LRP1B: variants seen among roughly 807,000 people sequenced by gnomAD.
LRP1B encodes the protein LDL receptor related protein 1B.
A neutral mutation model predicts 556.6 loss-of-function variants in LRP1B; 217 were observed. The observed-to-expected ratio is 0.39, with a 90% CI of 0.35 to 0.44. The LOEUF is 0.44. Among genes scored for constraint, LRP1B ranks in the 20% least tolerant of loss-of-function variants. The pLI is 1.00. For missense variants in LRP1B, 5,053 were observed against 5,620.8 expected (o/e 0.90, Z 3.23); for synonymous variants, 2,047 against 1,865.8 (o/e 1.10, Z -2.50).
At chr2:140,844,219 G>T (rs1207234704) in intron 29 of LRP1B, among the ~76,000 whole-genome samples, 1 of 151,670 alleles carries the variant, frequency 6.6e-6, no homozygotes, top group African/African-American at 2.4e-5. Flanking sequence ...GCGCCACCAC[G>T]CCCAGCTAAT....
chr2:141,399,280 C>T (rs1690359896), intron 3 of LRP1B, among the ~76,000 whole-genome samples: 1 of 151,864 alleles, frequency 6.6e-6, no homozygotes, highest in African/African-American at 2.4e-5. Context: ...AAGCCAAATT[C>T]CATCTCATTT....
rs1238324748 is a variant in LRP1B, at chr2:140,239,515, C to A, written c.13342G>T (p.Val4448Leu). 6.2e-7 allele frequency: 1 copy of A among 1,601,476 alleles called. No individual in the cohort carries two copies. Among genetic ancestry groups the A allele is most frequent in the Non-Finnish European group, 8.5e-7 (1 of 1,171,846 alleles). The change falls in exon 88 of 91, where the codon GTG (valine) becomes TTG (leucine). Residue 4448 changes from valine (V) to leucine (L), a missense_variant. Val to Leu is a conservative substitution (Grantham distance 32, BLOSUM62 1). This residue lies in a region of LRP1B where 551 missense variants were observed against 592.0 expected (regional missense o/e 0.93). Coordinates refer to ENST00000389484, the MANE Select transcript of LRP1B (RefSeq NM_018557.3). Reference sequence around the variant, plus strand: ...AAAGTCACCAAGAGGACGAGAGGCACAATGATGGCAATGCTTCCTGGAAAA... The same window carrying A: ...AAAGTCACCAAGAGGACGAGAGGCAAAATGATGGCAATGCTTCCTGGAAAA... Reference protein sequence around the residue: ...HISTRSIAIIVPLVLLVTLIT... With the variant: ...HISTRSIAIILPLVLLVTLIT...
chr2:140,964,059 G>T (rs1268006684), intron 18 of LRP1B, among the ~76,000 whole-genome samples: 1 of 152,104 alleles, frequency 6.6e-6, no homozygotes, highest in Non-Finnish European at 1.5e-5. Context: ...GCAGGGTAAA[G>T]AATGTGAGTC....
intron 1 of LRP1B, among the ~76,000 whole-genome samples, chr2:142,063,965 A>G (rs865798304): frequency 6.6e-6 from 1 of 151,638 alleles, no homozygotes. Context: ...ATTCACACAT[A>G]CAATGATGCT....
chr2:141,473,952 A>G (rs1251587226), intron 3 of LRP1B, among the ~76,000 whole-genome samples: 2 of 152,150 alleles, frequency 1.3e-5, no homozygotes, highest in African/African-American at 4.8e-5. Flanking sequence ...ATTAAAAACA[A>G]CAATAAAGAG....
At chr2:140,266,663 C>G (rs891354665) in intron 86 of LRP1B, among the ~76,000 whole-genome samples, 2 of 151,870 alleles carry the variant, frequency 1.3e-5, no homozygotes, top group African/African-American at 2.4e-5. Context: ...GTGCTGTACC[C>G]TCTTTTGAAA....
At chr2:142,071,763 T>C (rs1032611202) in intron 1 of LRP1B, among the ~76,000 whole-genome samples, 1 of 151,896 alleles carries the variant, frequency 6.6e-6, no homozygotes, top group African/African-American at 2.4e-5. Flanking sequence ...CTCTACATGA[T>C]CAGAGAATAA....
intron 2 of LRP1B, among the ~76,000 whole-genome samples, chr2:141,582,844 T>C (rs928029897): frequency 7.1e-6 from 1 of 140,046 alleles, no homozygotes; most frequent in African/African-American, 2.6e-5. Flanking sequence ...TTTTTTTTTT[T>C]TTTTTTTTTG....
chr2:141,773,085 T>C (rs1694953192), intron 2 of LRP1B, among the ~76,000 whole-genome samples: 1 of 152,180 alleles, frequency 6.6e-6, no homozygotes. Context: ...CCAGATAAAT[T>C]TGTATTTAAT....
At position 140,525,939 on chromosome 2, in the gene LRP1B, A is replaced by G. The variant is rs1690412345; in HGVS notation, c.7931T>C (p.Ile2644Thr). 13 of 1,612,330 alleles carry G rather than the reference A, an allele frequency of 8.1e-6. No homozygotes were observed. The highest frequency in any genetic ancestry group is 1.7e-5 in the Admixed American group (1 of 59,776). The change falls in exon 49 of 91, where the codon ATA (isoleucine) becomes ACA (threonine). Residue 2644 changes from isoleucine (I) to threonine (T), a missense_variant. Coordinates refer to ENST00000389484, the MANE Select transcript of LRP1B (RefSeq NM_018557.3). ...ACACAGTGAGGTAGAATTACATCTT[A>G]TGAACCCTGTGGTTTTCACTCCAAG... ...YKLGVKTTGF[I>T]RCNSTSLCVL...
chr2:141,971,099 A>G (rs146630585), intron 1 of LRP1B, among the ~76,000 whole-genome samples: 1 of 151,626 alleles, frequency 6.6e-6, no homozygotes, highest in Admixed American at 6.6e-5. Flanking sequence ...CCCAAACCTT[A>G]AGGTTACCAA....
chr2:140,415,043 C>CT (rs1449374138), intron 66 of LRP1B, among the ~76,000 whole-genome samples: 1 of 152,090 alleles, frequency 6.6e-6, no homozygotes, highest in East Asian at 1.9e-4. Context: ...GAATGTCTGT[C>CT]TTATTCGATT....
chr2:140,513,137 T>A (rs915301263), intron 51 of LRP1B, among the ~76,000 whole-genome samples: 4 of 152,072 alleles, frequency 2.6e-5, no homozygotes, highest in African/African-American at 9.7e-5. Context: ...TGTTGGATGA[T>A]CATATTAGGT....
chr2:140,356,282 T>A (rs2105129359), intron 75 of LRP1B, 60 bp downstream of exon 75: 1 of 1,542,730 alleles, frequency 6.5e-7, no homozygotes, highest in Non-Finnish European at 8.9e-7. Context: ...AATTTAGAAG[T>A]CTTGGGAATC....
chr2:141,037,496 G>A (rs140527661), intron 11 of LRP1B, among the ~76,000 whole-genome samples: 35 of 152,000 alleles, frequency 2.3e-4, no homozygotes, highest in African/African-American at 3.1e-4. Context: ...TGAAACTCAC[G>A]TCTCAGAATG....
At chr2:141,389,596 GCAACAACAA>G in intron 3 of LRP1B, among the ~76,000 whole-genome samples, 1 of 151,748 alleles carries the variant, frequency 6.6e-6, no homozygotes, top group Non-Finnish European at 1.5e-5. Flanking sequence ...CGCACGAGGA[GCAACAACAA>G]CAACAACAAC....
At chr2:141,296,889 T>C (rs2105421255) in intron 3 of LRP1B, among the ~76,000 whole-genome samples, 1 of 152,260 alleles carries the variant, frequency 6.6e-6, no homozygotes, top group East Asian at 1.9e-4. Context: ...GTCCCTAGTG[T>C]ATTGTTCCCA....
In LRP1B at chr2:141,304,436, C is replaced by T. The variant is rs188889051; in HGVS notation, c.344-49795G>A. ...CATGTCTCTAAGACATATTGAATTG[C>T]TTTTTGTATATTGAGAAAGTAGGAG... is the stretch of plus-strand genomic sequence containing the variant. On this transcript the variant is annotated intron_variant, in intron 3 of 90. Coordinates refer to ENST00000389484, the MANE Select transcript of LRP1B (RefSeq NM_018557.3). 1.6e-3 allele frequency among the ~76,000 whole-genome samples: 225 copies of T among 144,928 alleles called. 2 individuals carry two copies. The highest frequency in any genetic ancestry group is 0.014 in the Admixed American group (199 of 14,588).
intron 37 of LRP1B, among the ~76,000 whole-genome samples, chr2:140,708,414 T>G (rs999802215): frequency 1.3e-5 from 2 of 151,828 alleles, no homozygotes; most frequent in South Asian, 4.1e-4. Context: ...CATTGTAGTT[T>G]TGAGTAATTA....
Sources: allele counts gnomAD v4.1 joint callset (sites outside exome capture counted in the v4.1 genomes callset), GRCh38; gene constraint gnomAD v4.1.1; regional missense constraint gnomAD v4.1.1; transcripts MANE v1.5; gene names NCBI Gene and HGNC (gene_info 2026-07-23, HGNC 2026-07-21).